LIG3: variants seen among roughly 807,000 people sequenced by gnomAD.
The protein encoded by LIG3 is DNA ligase 3.
LIG3 carries 58 observed loss-of-function variants against 110.9 expected under a neutral mutation model. The observed-to-expected ratio is 0.52, with a 90% CI of 0.42 to 0.65. The LOEUF (loss-of-function observed/expected upper bound fraction) is 0.65, where lower values mean the gene tolerates loss of function less well. Ranked by LOEUF, LIG3 falls within the 30% of genes least tolerant of loss-of-function variation. LIG3 has a pLI of 0.00. For synonymous variants in LIG3, 422 were observed against 472.8 expected, an observed-to-expected ratio of 0.89 and a Z score of 1.39; for missense variants, 1,094 against 1,273.8, an observed-to-expected ratio of 0.86 and a Z score of 2.15.
At chr17:34,998,502 G>A in intron 13 of LIG3, 102 bp from the exon 14 acceptor site, 1 of 1,438,962 alleles carries the variant, frequency 6.9e-7, no homozygotes, top group Non-Finnish European at 9.6e-7. Flanking sequence ...TTACCCTGAG[G>A]GAGGGGCACT....
intron 3 of LIG3, among the ~76,000 whole-genome samples, 188 bp from the exon 4 acceptor site, chr17:34,989,278 G>A (rs565780203): frequency 6.6e-6 from 1 of 152,208 alleles, no homozygotes; most frequent in African/African-American, 2.4e-5. Context: ...TTAGCTGTAA[G>A]ATTTGGGAAA....
Position 34,983,567 on chromosome 17 carries a change from ACTGCTTTCTCATCTTACTGGTG to A in LIG3, c.547+19_547+40del. On this transcript the variant is annotated intron_variant, in intron 2 of 19. Transcript: ENST00000378526. ...GCACATTGCAGGTAAGGTAGAGAACACTGCTTTCTCATCTTACTGGTGCTGAGAGAAAAAGGGATAAGGAGTT... is the reference window on the plus strand; with the variant it reads ...GCACATTGCAGGTAAGGTAGAGAACACTGAGAGAAAAAGGGATAAGGAGTT... 1 of 1,601,004 alleles carries A rather than the reference ACTGCTTTCTCATCTTACTGGTG, an allele frequency of 6.2e-7. No homozygotes were observed. Among genetic ancestry groups the A allele is most frequent in the Non-Finnish European group, 8.5e-7 (1 of 1,172,970 alleles).
At chr17:35,000,671 A>G (rs1471421610) in intron 16 of LIG3, among the ~76,000 whole-genome samples, 1 of 135,196 alleles carries the variant, frequency 7.4e-6, no homozygotes, top group Non-Finnish European at 1.5e-5. Context: ...GCTGGAGTGC[A>G]GTGGCATGAT....
intron 8 of LIG3, 106 bp downstream of exon 8, chr17:34,992,798 G>A: frequency 8.5e-7 from 1 of 1,170,892 alleles, no homozygotes; most frequent in East Asian, 2.9e-5. Context: ...CAAATTGACT[G>A]GAGAAGTTTA....
rs1252534106 is a variant in LIG3 at position 34,983,212 on chromosome 17, C to G, written c.207C>G (p.Thr69=). The stretch of plus-strand genomic sequence containing the variant: ...GAAGCCATCTAAGATCACGTGCCAC[C>G]TACCTTGTTTTCTTGCCAGGGTTGC... ...FQGSHLRSRA[T]YLVFLPGLHV... Residue 69 remains threonine, a synonymous_variant, in exon 2 of 20, where the codon ACC becomes ACG. Coordinates refer to ENST00000378526, the MANE Select transcript of LIG3 (RefSeq NM_013975.4). The G allele has an allele frequency of 6.2e-7, 1 of 1,614,202 alleles. No homozygotes were observed. The highest frequency in any genetic ancestry group is 8.5e-7 in the Non-Finnish European group (1 of 1,180,022).
rs761204337 is a variant in LIG3, at chr17:34,991,095, T to C, written c.1022T>C (p.Met341Thr). ...ATTTTTAACTGCAACCCAGATGATA[T>C]GGCACGGGACCTAGAGCAGGTCAGA... is the stretch of plus-strand genomic sequence containing the variant. The part of the protein sequence containing the change: ...SRIFNCNPDD[M>T]ARDLEQGDVS... Residue 341 changes from methionine to threonine, a missense_variant, in exon 5 of 20, where the codon ATG (methionine) becomes ACG (threonine). Transcript: ENST00000378526. 2 of 1,613,988 alleles carry C rather than the reference T, an allele frequency of 1.2e-6. No individual in the cohort carries two copies. The highest frequency in any genetic ancestry group is 1.7e-6 in the Non-Finnish European group (2 of 1,180,024).
In LIG3 at chr17:35,004,415, G is replaced by A; in HGVS notation, c.2939G>A (p.Gly980Asp). ...FDMTSATHVLGSRDKNPAAQQ... is the reference protein window; with the variant it reads ...FDMTSATHVLDSRDKNPAAQQ... ...ATGACTTCAGCCACGCACGTGCTGG[G>A]TAGCAGGGACAAGAACCCTGCGGCC... Residue 980 changes from glycine (G) to aspartate (D), a missense_variant, in exon 20 of 20, where the codon GGT becomes GAT. Physicochemically the swap from Gly to Asp is moderately conservative, Grantham distance 94. Coordinates refer to ENST00000378526, the MANE Select transcript of LIG3 (RefSeq NM_013975.4). 1 of 1,614,224 alleles carries A rather than the reference G, an allele frequency of 6.2e-7. No individual in the cohort carries two copies. The highest frequency in any genetic ancestry group is 8.5e-7 in the Non-Finnish European group (1 of 1,180,052).
In LIG3 at chr17:34,997,388, G is replaced by A. The variant is rs3136005; in HGVS notation, c.1824-350G>A. 1,423 of 214,580 alleles carry A rather than the reference G, an allele frequency of 6.6e-3. 61 individuals are homozygous for A. In the East Asian group the frequency reaches 0.089, roughly 13 times the overall value. 13.3% of individuals were successfully genotyped at this position (214,580 alleles called of 1,614,324 possible). The stretch of plus-strand genomic sequence containing the variant: ...CCCCGGGGTTGGCCTTGGGATCGGG[G>A]CAAAGCAGGGTGCAGGGGATAAAAA... On this transcript the variant is annotated intron_variant, in intron 11 of 19. Coordinates refer to ENST00000378526, the MANE Select transcript of LIG3 (RefSeq NM_013975.4).
intron 2 of LIG3, 134 bp from the exon 3 acceptor site, chr17:34,985,854 C>A (rs2090649069): frequency 1.3e-6 from 1 of 799,752 alleles, no homozygotes; most frequent in Admixed American, 2.7e-5. Context: ...ATACCAGCCA[C>A]CAGCCAGCCT....
intron 3 of LIG3, among the ~76,000 whole-genome samples, chr17:34,987,118 G>A (rs1443895347): frequency 1.3e-5 from 2 of 152,162 alleles, no homozygotes; most frequent in East Asian, 1.9e-4. Context: ...ATGCACACAC[G>A]TGTATACACA....
rs762183361 is a variant in LIG3 at position 34,992,544 on chromosome 17, A to G, written c.1307A>G (p.Asn436Ser). 3.1e-6 allele frequency: 5 copies of G among 1,605,702 alleles called. No individual in the cohort carries two copies. Among genetic ancestry groups the G allele is most frequent in the South Asian group, 1.1e-5 (1 of 89,922 alleles). Residue 436 changes from asparagine (N) to serine (S), a missense_variant, in exon 8 of 20, where the codon AAT (asparagine) becomes AGT (serine). By Grantham distance (46) the Asn-to-Ser change is conservative. Coordinates refer to ENST00000378526, the MANE Select transcript of LIG3 (RefSeq NM_013975.4). ...AKHVLDALDP[N>S]AYEAFKASRN... Reference sequence around the variant, plus strand: ...GGCAGGTTAGACGCCCTTGACCCCAATGCCTATGAAGCCTTCAAAGCCTCG... The same window carrying G: ...GGCAGGTTAGACGCCCTTGACCCCAGTGCCTATGAAGCCTTCAAAGCCTCG...
Position 35,005,060 on chromosome 17 carries a change from C to T in LIG3, c.*554C>T, listed in dbSNP as rs2090884412. The stretch of plus-strand genomic sequence containing the variant: ...AAAGAAAACAAAATGAATTTTTTTA[C>T]TTTCTTCTCTGTGTTCTCCTATTAC... On this transcript the variant is annotated 3_prime_UTR_variant, in exon 20 of 20. Transcript: ENST00000378526. The T allele has an allele frequency of 3.3e-6, 1 of 301,542 alleles. No homozygotes were observed. The highest frequency in any genetic ancestry group is 3.2e-5 in the South Asian group (1 of 31,504). 18.7% of individuals were successfully genotyped at this position (301,542 alleles called of 1,614,324 possible).
At chr17:34,992,463 A>G (rs922560304) in intron 7 of LIG3, 61 bp from the exon 8 acceptor site, 5 of 1,497,076 alleles carry the variant, frequency 3.3e-6, no homozygotes, top group Non-Finnish European at 3.6e-6. Flanking sequence ...ATTGCTGTCC[A>G]AAGCCATGGA....
chr17:34,981,297 A>T (rs893958640), intron 1 of LIG3: 7 of 152,244 alleles, frequency 4.6e-5, no homozygotes, highest in African/African-American at 1.7e-4. Context: ...ATCTTCTAGG[A>T]AAAGTGTTGA....
At chr17:34,990,485 G>T (rs577801261) in intron 4 of LIG3, among the ~76,000 whole-genome samples, 1 of 152,256 alleles carries the variant, frequency 6.6e-6, no homozygotes, top group East Asian at 1.9e-4. Flanking sequence ...TTGCTGTTTT[G>T]CCCAGGTTGG....
downstream of LIG3, chr17:35,009,807 G>C (rs2090924400): frequency 6.6e-6 from 1 of 152,646 alleles, no homozygotes; most frequent in Non-Finnish European, 1.5e-5. Flanking sequence ...TGTAAGTAGA[G>C]AGCCAGCTTC....
At chr17:34,997,950 C>A in intron 12 of LIG3, 125 bp downstream of exon 12, 1 of 777,032 alleles carries the variant, frequency 1.3e-6, no homozygotes, top group Non-Finnish European at 2.2e-6. Context: ...ATAATGTTGG[C>A]CTTTGACTAT....
intron 4 of LIG3, 169 bp downstream of exon 4, chr17:34,989,832 T>A: frequency 1.6e-6 from 1 of 642,182 alleles, no homozygotes; most frequent in African/African-American, 1.8e-5. Flanking sequence ...GGCCTCGCAT[T>A]TGCATTTTGC....
intron 5 of LIG3, chr17:34,991,396 T>G: frequency 1.8e-6 from 1 of 567,088 alleles, no homozygotes; most frequent in South Asian, 2.3e-5. Flanking sequence ...CTGGGGCTTT[T>G]ATTCTGGACT....
Sources: allele counts gnomAD v4.1 joint callset (sites outside exome capture counted in the v4.1 genomes callset), GRCh38; gene constraint gnomAD v4.1.1; transcripts MANE v1.5; gene names NCBI Gene and HGNC (gene_info 2026-07-23, HGNC 2026-07-21).